The following VPS13B variants were observed in gnomAD, a reference collection of about 807,000 sequenced individuals.
The protein encoded by VPS13B is intermembrane lipid transfer protein VPS13B.
In VPS13B, 285 loss-of-function variants were observed where a neutral mutation model predicts 426.4. The observed-to-expected ratio is 0.67, with a 90% confidence interval of 0.61 to 0.74. VPS13B has a LOEUF of 0.74. Among genes scored for constraint, VPS13B ranks in the 30% least tolerant of loss-of-function variants. The pLI is 0.00. For synonymous variants in VPS13B, 1,676 were observed against 1,676.4 expected (o/e 1.00, Z 0.01); for missense variants, 4,537 against 4,782.6 (o/e 0.95, Z 1.51).
intron 33 of VPS13B, among the ~76,000 whole-genome samples, chr8:99,587,715 A>G (rs1588522707): frequency 6.6e-6 from 1 of 151,582 alleles, no homozygotes; most frequent in East Asian, 1.9e-4. Flanking sequence ...TAGATTTTGG[A>G]TATTAGCCCT....
chr8:99,391,272 G>A (rs1814428383), intron 20 of VPS13B, among the ~76,000 whole-genome samples: 1 of 151,736 alleles, frequency 6.6e-6, no homozygotes. Flanking sequence ...GGTACTTACA[G>A]GCTCTTTGGT....
At chr8:99,124,081 A>G (rs1028683242) in intron 8 of VPS13B, among the ~76,000 whole-genome samples, 3 of 152,214 alleles carry the variant, frequency 2.0e-5, no homozygotes, top group African/African-American at 7.2e-5. Flanking sequence ...GAAATTGGAA[A>G]GATGAGGAAG....
chr8:99,497,413 T>A (rs1263260851), intron 25 of VPS13B, among the ~76,000 whole-genome samples: 1 of 147,112 alleles, frequency 6.8e-6, no homozygotes, highest in East Asian at 2.1e-4. Context: ...ATATAAAAAA[T>A]TATTACAAAT....
At chr8:99,465,479 G>A (rs747882158) in intron 23 of VPS13B, among the ~76,000 whole-genome samples, 7 of 150,828 alleles carry the variant, frequency 4.6e-5, no homozygotes, top group Non-Finnish European at 8.8e-5. Context: ...CAAAGAAGAC[G>A]CAGAAATATA....
intron 33 of VPS13B, among the ~76,000 whole-genome samples, chr8:99,611,277 T>G (rs1343119919): frequency 1.3e-5 from 2 of 152,112 alleles, no homozygotes; most frequent in Admixed American, 1.3e-4. Flanking sequence ...ATAAATTAAG[T>G]AGAGATATTT....
intron 39 of VPS13B, among the ~76,000 whole-genome samples, chr8:99,752,101 G>A (rs540819178): frequency 6.6e-6 from 1 of 152,184 alleles, no homozygotes; most frequent in African/African-American, 2.4e-5. Context: ...ATCCCACTCA[G>A]GAGACTGAGA....
In VPS13B at chr8:99,859,433, G is replaced by A. The variant is rs1816715035; in HGVS notation, c.10997G>A (p.Ser3666Asn). Residue 3666 changes from serine (S) to asparagine (N), a missense_variant, in exon 57 of 62, where the codon AGT (serine) becomes AAT (asparagine). Transcript: ENST00000357162. ...GLTRGPGAFVSGVSRGTTSFV... is the reference protein window; with the variant it reads ...GLTRGPGAFVNGVSRGTTSFV... Reference sequence around the variant, plus strand: ...ACCCGGGGCCCTGGAGCCTTCGTGAGTGGCGTCTCCAGAGGGACCACATCG... The same window carrying A: ...ACCCGGGGCCCTGGAGCCTTCGTGAATGGCGTCTCCAGAGGGACCACATCG... The A allele has an allele frequency of 6.2e-7, 1 of 1,614,128 alleles. No individual in the cohort carries two copies.
intron 36 of VPS13B, among the ~76,000 whole-genome samples, chr8:99,701,743 A>G (rs1563871725): frequency 6.6e-6 from 1 of 152,182 alleles, no homozygotes; most frequent in Non-Finnish European, 1.5e-5. Flanking sequence ...CAGAGTTGAG[A>G]TTAGCTACTT....
At chr8:99,664,220 T>C (rs901618578) in intron 35 of VPS13B, among the ~76,000 whole-genome samples, 1 of 152,004 alleles carries the variant, frequency 6.6e-6, no homozygotes, top group Non-Finnish European at 1.5e-5. Context: ...CTGGCCAGGC[T>C]GGTCTCTAAC....
chr8:99,034,758 T>C (rs1842668337), intron 2 of VPS13B, among the ~76,000 whole-genome samples: 1 of 152,246 alleles, frequency 6.6e-6, no homozygotes, highest in Non-Finnish European at 1.5e-5. Flanking sequence ...CTGAGCTGTC[T>C]GTTGTTTTTG....
At chr8:99,453,975 A>G (rs1402385590) in intron 23 of VPS13B, among the ~76,000 whole-genome samples, 1 of 152,138 alleles carries the variant, frequency 6.6e-6, no homozygotes, top group Non-Finnish European at 1.5e-5. Context: ...TCGTAGTATC[A>G]TGCATAATAT....
At chr8:99,561,623 T>A (rs1415764250) in intron 31 of VPS13B, among the ~76,000 whole-genome samples, 1 of 152,208 alleles carries the variant, frequency 6.6e-6, no homozygotes, top group Non-Finnish European at 1.5e-5. Flanking sequence ...TTCTGTTAGA[T>A]GATTTTGCCC....
rs778096388 is a variant in VPS13B at position 99,720,927 on chromosome 8, G to A, written c.6930G>A (p.Gly2310=). Residue 2310 remains glycine (G), a synonymous_variant, in exon 39 of 62, where the codon GGG becomes GGA. Coordinates refer to ENST00000357162, the MANE Select transcript of VPS13B (RefSeq NM_152564.5). ...ATAATGAAACTGAAGATTGCCCAGG[G>A]ATGATGTTATGGAGATATCCAGAAC... ...LFYNETEDCP[G]MMLWRYPEPR... The A allele has an allele frequency of 1.5e-5, 25 of 1,613,870 alleles. No individual in the cohort carries two copies. In the Admixed American group the frequency reaches 2.3e-4, roughly 15 times the overall value.
Position 99,821,310 on chromosome 8 carries a change from G to A in VPS13B, c.9011G>A (p.Gly3004Glu). 1 of 1,613,450 alleles carries A rather than the reference G, an allele frequency of 6.2e-7. No homozygotes were observed. The highest frequency in any genetic ancestry group is 8.5e-7 in the Non-Finnish European group (1 of 1,179,680). ...TTTTTCCAGGAAGCTTTTCAAATTG[G>A]AATATACTGGGCAAATACAAACACT... The part of the protein sequence containing the change: ...PPNFQEAFQI[G>E]IYWANTNTVH... Residue 3004 changes from glycine to glutamate, a missense_variant, in exon 50 of 62, where the codon GGA (glycine) becomes GAA (glutamate). By Grantham distance (98) the Gly-to-Glu change is moderately conservative. Around this residue, in one of 2 missense-constraint regions of VPS13B, gnomAD observed 4,311 missense variants for 4,474.3 expected, o/e 0.96. Coordinates refer to ENST00000357162, the MANE Select transcript of VPS13B (RefSeq NM_152564.5).
At chr8:99,744,095 C>G (rs993827975) in intron 39 of VPS13B, among the ~76,000 whole-genome samples, 3 of 152,094 alleles carry the variant, frequency 2.0e-5, no homozygotes, top group African/African-American at 7.2e-5. Flanking sequence ...GGGCTAATAT[C>G]CAGAATCTAC....
At chr8:99,103,249 AAAAATGCACATATAC>A in intron 5 of VPS13B, 129 bp downstream of exon 5, 1 of 1,007,676 alleles carries the variant, frequency 9.9e-7, no homozygotes, top group Non-Finnish European at 1.5e-6. Context: ...AGTGTGGGAA[AAAAATGCACATATAC>A]AAAATGTTGC....
intron 34 of VPS13B, among the ~76,000 whole-genome samples, chr8:99,651,646 G>T (rs1259256246): frequency 1.3e-5 from 2 of 152,170 alleles, no homozygotes; most frequent in African/African-American, 4.8e-5. Flanking sequence ...TAGCATAATC[G>T]TATTAGTTGT....
intron 33 of VPS13B, among the ~76,000 whole-genome samples, chr8:99,589,924 CT>C (rs1292509053): frequency 6.6e-6 from 1 of 152,182 alleles, no homozygotes; most frequent in Non-Finnish European, 1.5e-5. Flanking sequence ...CCCAGCTCCT[CT>C]TTCTACCTCT....
Position 99,720,876 on chromosome 8 carries a change from GC to G in VPS13B, c.6881del (p.Pro2294LeufsTer18). 1 of 1,613,284 alleles carries G rather than the reference GC, an allele frequency of 6.2e-7. No individual in the cohort carries two copies. The highest frequency in any genetic ancestry group is 1.1e-5 in the South Asian group (1 of 91,026). ...TTTATTTGACAGAATCTTTGAAATT[GC>G]CTGGGGTCTATGAAGTCTTATTTTA... ...YVQDAESLKL[P>X]GVYEVLFYNE... On this transcript the variant is annotated frameshift_variant, in exon 39 of 62. Coordinates refer to ENST00000357162, the MANE Select transcript of VPS13B (RefSeq NM_152564.5). LOFTEE classifies it high-confidence loss of function.
Sources: allele counts gnomAD v4.1 joint callset (sites outside exome capture counted in the v4.1 genomes callset), GRCh38; gene constraint gnomAD v4.1.1; regional missense constraint gnomAD v4.1.1; transcripts MANE v1.5; gene names NCBI Gene and HGNC (gene_info 2026-07-23, HGNC 2026-07-21).